NCAPD3: variants seen among roughly 807,000 people sequenced by gnomAD.
The protein encoded by NCAPD3 is non-SMC condensin II complex subunit D3, also known as condensin-2 complex subunit D3.
NCAPD3 carries 105 observed loss-of-function variants against 182.9 expected under a neutral mutation model. The ratio of observed to expected loss-of-function variants is 0.57; its 90% CI spans 0.49 to 0.68. The LOEUF (loss-of-function observed/expected upper bound fraction) is 0.68. NCAPD3 is among the 30% of genes least tolerant of loss of function. NCAPD3 has a pLI of 0.00. For missense variants in NCAPD3, 1,944 were observed against 1,837.0 expected, an observed-to-expected ratio of 1.06 and a Z score of -1.07; for synonymous variants, 815 against 679.9, an observed-to-expected ratio of 1.20 and a Z score of -3.09.
intron 13 of NCAPD3, among the ~76,000 whole-genome samples, chr11:134,202,083 TCA>T (rs977055794): frequency 6.6e-6 from 1 of 152,214 alleles, no homozygotes; most frequent in African/African-American, 2.4e-5. Context: ...GAGCTCTGTC[TCA>T]CAGACTTGTG....
In NCAPD3 at chr11:134,203,687, C is replaced by CA; in HGVS notation, c.1434dup (p.Ala479CysfsTer11). On this transcript the variant is annotated frameshift_variant, in exon 11 of 35. Transcript: ENST00000534548. LOFTEE classifies it high-confidence loss of function. Reference sequence around the variant, plus strand: ...AGGAGCTCCAGGATACTCTCCGACGCACTGGTAACAGTCAACTCCAGACAG... The same window carrying CA: ...AGGAGCTCCAGGATACTCTCCGACGCAACTGGTAACAGTCAACTCCAGACAG... 1 of 1,613,886 alleles carries CA rather than the reference C, an allele frequency of 6.2e-7. No individual in the cohort carries two copies. Among genetic ancestry groups the CA allele is most frequent in the Non-Finnish European group, 8.5e-7 (1 of 1,180,040 alleles).
chr11:134,209,472 A>G lies in NCAPD3; in HGVS notation c.573T>C (p.Asp191=). 1 of 1,609,088 alleles carries G rather than the reference A, an allele frequency of 6.2e-7. No individual in the cohort carries two copies. The highest frequency in any genetic ancestry group is 1.1e-5 in the South Asian group (1 of 90,532). Reference sequence around the variant, plus strand: ...CATCTTCTTGTTCTTCTATAATTTCATCCATCTAGATTATGAAGAAATGTA... The same window carrying G: ...CATCTTCTTGTTCTTCTATAATTTCGTCCATCTAGATTATGAAGAAATGTA... ...KPPRREDIEM[D]EIIEEQEDEN... is the part of the protein sequence containing the mutation. The change falls in exon 5 of 35, where the codon GAT becomes GAC. Residue 191 remains aspartate, a synonymous_variant. Transcript: ENST00000534548.
At chr11:134,199,230 C>CT (rs373451079) in intron 13 of NCAPD3, among the ~76,000 whole-genome samples, 16 of 152,272 alleles carry the variant, frequency 1.1e-4, no homozygotes, top group African/African-American at 3.8e-4. Context: ...AAATATGACT[C>CT]TGACATAAAA....
intron 24 of NCAPD3, among the ~76,000 whole-genome samples, chr11:134,171,622 A>C (rs1189325912): frequency 1.3e-5 from 2 of 152,050 alleles, no homozygotes; most frequent in Non-Finnish European, 2.9e-5. Flanking sequence ...TATTTCCTAC[A>C]CCCTAGTTCT....
In NCAPD3 at chr11:134,152,002, C is replaced by G. The variant is rs908004958; in HGVS notation, c.*942G>C. 3 of 152,184 alleles carry G rather than the reference C, an allele frequency of 2.0e-5. No homozygotes were observed. The highest frequency in any genetic ancestry group is 7.2e-5 in the African/African-American group (3 of 41,426). 9.4% of individuals were successfully genotyped at this position (152,184 alleles called of 1,614,324 possible). A position where few individuals can be genotyped will look rare whatever the true frequency, so the allele number is the denominator to read the frequency against. Reference sequence around the variant, plus strand: ...TCTCAGTGGCATCCCATCCCCCAAACCAACCAACGCACATCATCACTTTGT... The same window carrying G: ...TCTCAGTGGCATCCCATCCCCCAAAGCAACCAACGCACATCATCACTTTGT... On this transcript the variant is annotated 3_prime_UTR_variant, in exon 35 of 35. Coordinates refer to ENST00000534548, the MANE Select transcript of NCAPD3 (RefSeq NM_015261.3).
intron 23 of NCAPD3, 44 bp from the exon 24 acceptor site, chr11:134,176,430 G>A (rs1405369842): frequency 1.3e-6 from 2 of 1,553,972 alleles, no homozygotes; most frequent in Admixed American, 1.7e-5. Flanking sequence ...CGTCATCATG[G>A]GCAAGCCTCA....
In NCAPD3 at chr11:134,168,988, G is replaced by T. The variant is rs374376449; in HGVS notation, c.3168C>A (p.Phe1056Leu). The T allele has an allele frequency of 1.2e-6, 2 of 1,613,820 alleles. No homozygotes were observed. Among genetic ancestry groups the T allele is most frequent in the African/African-American group, 1.3e-5 (1 of 74,924 alleles). Reference sequence around the variant, plus strand: ...TATTAAAGTGAAAAATACATTCAATGAAGTGTTGGAAGAACATGACAGGGT... The same window carrying T: ...TATTAAAGTGAAAAATACATTCAATTAAGTGTTGGAAGAACATGACAGGGT... Reference protein sequence around the residue: ...KRNPVMFFQHFIECIFHFNNY... With the variant: ...KRNPVMFFQHLIECIFHFNNY... Residue 1056 changes from phenylalanine to leucine, a missense_variant, in exon 25 of 35, where the codon TTC becomes TTA. Coordinates refer to ENST00000534548, the MANE Select transcript of NCAPD3 (RefSeq NM_015261.3).
Position 134,185,338 on chromosome 11 carries a change from C to G in NCAPD3, c.2234G>C (p.Ser745Thr), listed in dbSNP as rs770933560. The part of the protein sequence containing the change: ...SRIIQSWEKI[S>T]SQQNPNSNTL... ...GGTTAAATTAGAAGATACAAACCTGCTGATTTTCTCCCAAGATTGTATTAT... is the reference window on the plus strand; with the variant it reads ...GGTTAAATTAGAAGATACAAACCTGGTGATTTTCTCCCAAGATTGTATTAT... The change falls in exon 17 of 35, where the codon AGC (serine) becomes ACC (threonine). Residue 745 changes from serine (S) to threonine (T), a missense_variant. By Grantham distance (58) the Ser-to-Thr change is moderately conservative. This residue lies in a region of NCAPD3 where 1,803 missense variants were observed against 1,674.6 expected (regional missense o/e 1.08). Coordinates refer to ENST00000534548, the MANE Select transcript of NCAPD3 (RefSeq NM_015261.3). The G allele has an allele frequency of 1.1e-5, 17 of 1,601,736 alleles. 1 individual carries two copies. In the African/African-American group the frequency reaches 2.0e-4, roughly 19 times the overall value.
At chr11:134,174,382 CAAAAAAAAAAAAAAA>C (rs34533048) in intron 24 of NCAPD3, among the ~76,000 whole-genome samples, 3 of 53,634 alleles carry the variant, frequency 5.6e-5, no homozygotes, top group African/African-American at 8.3e-5. Context: ...GACCCTGTCT[CAAAAAAAAAAAAAAA>C]AAAAAAAAAG....
intron 3 of NCAPD3, among the ~76,000 whole-genome samples, chr11:134,211,484 C>T (rs2136022029): frequency 6.6e-6 from 1 of 151,542 alleles, no homozygotes; most frequent in East Asian, 1.9e-4. Context: ...CCTGTCTTTA[C>T]AAAAAATACA....
At chr11:134,158,165 T>A (rs1943478423) in intron 30 of NCAPD3, 98 bp from the exon 31 acceptor site, 1 of 1,528,862 alleles carries the variant, frequency 6.5e-7, no homozygotes, top group Non-Finnish European at 8.9e-7. Flanking sequence ...CACCGGCGCA[T>A]CCCTCACCAC....
intron 19 of NCAPD3, chr11:134,183,131 C>A: frequency 2.2e-6 from 1 of 456,324 alleles, no homozygotes; most frequent in Non-Finnish European, 4.4e-6. Context: ...GCGCTGTACA[C>A]ATGATTCTTT....
intron 16 of NCAPD3, among the ~76,000 whole-genome samples, chr11:134,190,687 G>A (rs1331227382): frequency 6.6e-6 from 1 of 152,092 alleles, no homozygotes; most frequent in Non-Finnish European, 1.5e-5. Flanking sequence ...ACATTGCCAG[G>A]GATGATCTCA....
intron 16 of NCAPD3, among the ~76,000 whole-genome samples, chr11:134,191,406 A>G (rs1240254403): frequency 1.3e-5 from 2 of 152,192 alleles, no homozygotes; most frequent in African/African-American, 4.8e-5. Flanking sequence ...ACAATGATAA[A>G]CAGAGATTGC....
At chr11:134,198,905 C>T (rs924151202) in intron 13 of NCAPD3, among the ~76,000 whole-genome samples, 1 of 152,262 alleles carries the variant, frequency 6.6e-6, no homozygotes, top group South Asian at 2.1e-4. Context: ...AACAATGGTT[C>T]ACTGAAAACT....
In NCAPD3 at chr11:134,158,397, A is replaced by G. The variant is rs1479628772; in HGVS notation, c.3966T>C (p.Ala1322=). The stretch of plus-strand genomic sequence containing the variant: ...TAGGAGATGATACTGCTACATGGCC[A>G]GCACTTGCCCTGGGTGTGCAGGGCT... The part of the protein sequence containing the change: ...VSQPCTPRAS[A]GHVAVSSPTP... Residue 1322 remains alanine (A), a synonymous_variant, in exon 30 of 35, where the codon GCT becomes GCC. Coordinates refer to ENST00000534548, the MANE Select transcript of NCAPD3 (RefSeq NM_015261.3). 2.5e-6 allele frequency: 4 copies of G among 1,614,106 alleles called. No individual in the cohort carries two copies. The highest frequency in any genetic ancestry group is 3.4e-6 in the Non-Finnish European group (4 of 1,180,052).
intron 20 of NCAPD3, among the ~76,000 whole-genome samples, chr11:134,179,293 G>A (rs546394946): frequency 6.6e-6 from 1 of 152,180 alleles, no homozygotes; most frequent in East Asian, 1.9e-4. Context: ...TATTGTTTTT[G>A]TGTATAACTT....
At position 134,177,260 on chromosome 11, in the gene NCAPD3, T is replaced by G. The variant is rs1390680207; in HGVS notation, c.2980A>C (p.Ile994Leu). Residue 994 changes from isoleucine (I) to leucine (L), a missense_variant, in exon 23 of 35, where the codon ATC (isoleucine) becomes CTC (leucine). Ile to Leu is a conservative substitution (Grantham distance 5, BLOSUM62 2). This residue lies in a region of NCAPD3 where 1,803 missense variants were observed against 1,674.6 expected (regional missense o/e 1.08). Transcript: ENST00000534548. ...SMCLKDSDPF[I>L]RKQTLILLTN... ...AGCAAGATGAGTGTCTGCTTCCGGA[T>G]GAATGGGTCGGAATCCTTCAGACAC... 1 of 1,614,232 alleles carries G rather than the reference T, an allele frequency of 6.2e-7. No individual in the cohort carries two copies. Among genetic ancestry groups the G allele is most frequent in the African/African-American group, 1.3e-5 (1 of 75,072 alleles).
In NCAPD3 at chr11:134,150,677, A is replaced by G. The variant is rs1943194186; in HGVS notation, c.*2267T>C. 1 of 151,886 alleles carries G rather than the reference A, an allele frequency of 6.6e-6. No individual in the cohort carries two copies. The highest frequency in any genetic ancestry group is 1.5e-5 in the Non-Finnish European group (1 of 67,988). 9.4% of individuals were successfully genotyped at this position (151,886 alleles called of 1,614,324 possible). A position where few individuals can be genotyped will look rare whatever the true frequency, so the allele number is the denominator to read the frequency against. ...TAAGTTTGTTTAATTATTTGTTAAG[A>G]TTGTCTAAGGCCAAAGGCAATTGCG... On this transcript the variant is annotated 3_prime_UTR_variant, in exon 35 of 35. Coordinates refer to ENST00000534548, the MANE Select transcript of NCAPD3 (RefSeq NM_015261.3).
Sources: gnomAD v4.1 joint callset for allele counts (sites outside exome capture counted in the v4.1 genomes callset) on GRCh38, gnomAD v4.1.1 for gene constraint, gnomAD v4.1.1 regional missense constraint, MANE v1.5 for transcripts, NCBI Gene and HGNC (gene_info 2026-07-23, HGNC 2026-07-21) for gene names.